The following DPP10 variants were observed in gnomAD, a reference collection of about 807,000 sequenced individuals.
The protein encoded by DPP10 is dipeptidyl peptidase like 10, also known as inactive dipeptidyl peptidase 10.
A neutral mutation model predicts 120.9 loss-of-function variants in DPP10; 33 were observed. That is an observed-to-expected ratio of 0.27 (90% CI 0.21 to 0.37). The LOEUF is 0.37. Ranked by LOEUF, DPP10 falls within the 10% of genes least tolerant of loss-of-function variation. The pLI is 1.00. For synonymous variants in DPP10, 337 were observed against 326.1 expected, an observed-to-expected ratio of 1.03 and a Z score of -0.36; for missense variants, 816 against 942.8, an observed-to-expected ratio of 0.87 and a Z score of 1.76.
At chr2:115,266,396 A>AT (rs1430189103) in intron 1 of DPP10, among the ~76,000 whole-genome samples, 3 of 151,966 alleles carry the variant, frequency 2.0e-5, no homozygotes, top group Non-Finnish European at 1.5e-5. Flanking sequence ...TTTTTCTTAG[A>AT]TTTTTCAATA....
At chr2:114,646,115 G>A (rs1696105373) in intron 1 of DPP10, among the ~76,000 whole-genome samples, 1 of 151,852 alleles carries the variant, frequency 6.6e-6, no homozygotes, top group African/African-American at 2.4e-5. Flanking sequence ...AGCTGAGATT[G>A]TGTCACTGCA....
chr2:115,449,326 G>A (rs2072906429), intron 3 of DPP10, among the ~76,000 whole-genome samples: 1 of 152,040 alleles, frequency 6.6e-6, no homozygotes, highest in Non-Finnish European at 1.5e-5. Context: ...TGCTGATGTT[G>A]CTTTCCATTA....
At chr2:114,959,791 GT>G (rs1225080334) in intron 1 of DPP10, among the ~76,000 whole-genome samples, 2 of 152,104 alleles carry the variant, frequency 1.3e-5, no homozygotes, top group African/African-American at 2.4e-5. Context: ...TGCTATTATG[GT>G]TTTGGTTCGC....
chr2:115,297,586 A>C (rs1283305437), intron 1 of DPP10, among the ~76,000 whole-genome samples: 1 of 152,078 alleles, frequency 6.6e-6, no homozygotes, highest in Non-Finnish European at 1.5e-5. Flanking sequence ...TGCGTGGTGC[A>C]CCAAGAACTT....
At chr2:115,729,588 A>G (rs2092848341) in intron 8 of DPP10, among the ~76,000 whole-genome samples, 1 of 152,178 alleles carries the variant, frequency 6.6e-6, no homozygotes, top group Non-Finnish European at 1.5e-5. Flanking sequence ...CAAAATAGCA[A>G]GGTTTTCATT....
At chr2:115,071,896 T>C (rs1270395663) in intron 1 of DPP10, among the ~76,000 whole-genome samples, 1 of 152,184 alleles carries the variant, frequency 6.6e-6, no homozygotes, top group Admixed American at 6.5e-5. Context: ...GATAATTTCT[T>C]GGCCAAATTT....
chr2:115,211,837 C>G (rs375553488), intron 1 of DPP10, among the ~76,000 whole-genome samples: 1 of 152,042 alleles, frequency 6.6e-6, no homozygotes, highest in African/African-American at 2.4e-5. Flanking sequence ...GTGTGTGTGT[C>G]AGCCAATACT....
intron 1 of DPP10, among the ~76,000 whole-genome samples, chr2:114,965,360 C>A (rs1698932680): frequency 6.6e-6 from 1 of 152,036 alleles, no homozygotes; most frequent in African/African-American, 2.4e-5. Context: ...TGGTCTCAAA[C>A]TCCTGACCTC....
intron 21 of DPP10, among the ~76,000 whole-genome samples, chr2:115,818,230 T>C (rs36101602): frequency 0.096 from 14,692 of 152,252 alleles, 792 homozygotes; most frequent in South Asian, 0.16. Flanking sequence ...GAAAAAGTTC[T>C]GGAAATCTGT....
intron 3 of DPP10, among the ~76,000 whole-genome samples, chr2:115,485,609 ACTTGGATTACAGTGATC>A (rs1353642780): frequency 6.6e-6 from 1 of 152,114 alleles, no homozygotes; most frequent in Non-Finnish European, 1.5e-5. Context: ...TTAATTATAT[ACTTGGATTACAGTGATC>A]AATCTTCTCT....
At chr2:115,721,300 T>C (rs2092643388) in intron 7 of DPP10, among the ~76,000 whole-genome samples, 1 of 152,164 alleles carries the variant, frequency 6.6e-6, no homozygotes, top group African/African-American at 2.4e-5. Flanking sequence ...GATTAAACAC[T>C]CTTGGGTCAT....
At chr2:114,454,411 C>A (rs908911177) in intron 1 of DPP10, among the ~76,000 whole-genome samples, 1 of 152,132 alleles carries the variant, frequency 6.6e-6, no homozygotes, top group Non-Finnish European at 1.5e-5. Flanking sequence ...CCCAATGTCA[C>A]CCAGACTGTA....
intron 1 of DPP10, among the ~76,000 whole-genome samples, chr2:114,860,003 G>T (rs1689685432): frequency 6.6e-6 from 1 of 152,128 alleles, no homozygotes; most frequent in Non-Finnish European, 1.5e-5. Flanking sequence ...CGATACCTTT[G>T]CTACTGGTCC....
chr2:115,729,198 G>A (rs1385689577), intron 8 of DPP10, among the ~76,000 whole-genome samples: 1 of 152,128 alleles, frequency 6.6e-6, no homozygotes, highest in Non-Finnish European at 1.5e-5. Context: ...TTACTGGAGG[G>A]GACTGGGATG....
At chr2:114,995,808 T>C (rs2104959796) in intron 1 of DPP10, among the ~76,000 whole-genome samples, 1 of 152,324 alleles carries the variant, frequency 6.6e-6, no homozygotes, top group South Asian at 2.1e-4. Context: ...ATAAACTGCA[T>C]CGATCAATTA....
chr2:115,612,246 A>G (rs924637848), intron 5 of DPP10, among the ~76,000 whole-genome samples: 3 of 152,166 alleles, frequency 2.0e-5, no homozygotes, highest in Admixed American at 6.5e-5. Context: ...AAATTTTCCA[A>G]AAAGAATCTA....
At chr2:115,126,504 A>G (rs968977986) in intron 1 of DPP10, among the ~76,000 whole-genome samples, 3 of 152,242 alleles carry the variant, frequency 2.0e-5, no homozygotes, top group Non-Finnish European at 4.4e-5. Context: ...TTTATTTAAA[A>G]GTGATATTAA....
intron 1 of DPP10, among the ~76,000 whole-genome samples, chr2:115,250,597 ATTAT>A (rs2058713065): frequency 6.6e-6 from 1 of 152,154 alleles, no homozygotes; most frequent in African/African-American, 2.4e-5. Context: ...GTACGGTTAC[ATTAT>A]TTATTCTTTT....
At chr2:115,457,578 A>G (rs2073669657) in intron 3 of DPP10, among the ~76,000 whole-genome samples, 1 of 152,150 alleles carries the variant, frequency 6.6e-6, no homozygotes, top group Non-Finnish European at 1.5e-5. Context: ...ACATACATGG[A>G]AAGGTGCTCA....
Sources: allele counts gnomAD v4.1 joint callset (sites outside exome capture counted in the v4.1 genomes callset), GRCh38; gene constraint gnomAD v4.1.1; transcripts MANE v1.5; gene names NCBI Gene and HGNC (gene_info 2026-07-23, HGNC 2026-07-21).